Variants in PSPH observed in about 807,000 individuals in gnomAD.
The protein encoded by PSPH is phosphoserine phosphatase.
A neutral mutation model predicts 23.4 loss-of-function variants in PSPH; 16 were observed. The observed-to-expected ratio is 0.68, with a 90% CI of 0.46 to 1.04. PSPH has a LOEUF of 1.04. PSPH is among the 50% of genes least tolerant of loss of function. PSPH has a pLI of 0.00. For synonymous variants in PSPH, 68 were observed against 99.7 expected (o/e 0.68, Z 1.89); for missense variants, 223 against 273.7 (o/e 0.81, Z 1.31).
At position 56,023,427 on chromosome 7, in the gene PSPH, T is replaced by A. The variant is rs542163534; in HGVS notation, c.-19-2196A>T. ...GTGCGCACCACTATGCTTGGCTAAT[T>A]TATAAATTTTTTTTTGAAGAGATGG... On this transcript the variant is annotated intron_variant, in intron 3 of 7. Transcript: ENST00000275605. Among the ~76,000 whole-genome samples the A allele has an allele frequency of 5.3e-5, 8 of 151,948 alleles. 1 individual carries two copies. Among genetic ancestry groups the A allele is most frequent in the African/African-American group, 1.9e-4 (8 of 41,490 alleles).
At chr7:56,020,991 C>T in intron 4 of PSPH, 82 bp downstream of exon 4, 1 of 1,501,552 alleles carries the variant, frequency 6.7e-7, no homozygotes. Context: ...TGTTCCATAG[C>T]CAGGGTCTAG....
At chr7:56,026,045 A>C (rs1332851821) in intron 3 of PSPH, among the ~76,000 whole-genome samples, 1 of 152,088 alleles carries the variant, frequency 6.6e-6, no homozygotes, top group Non-Finnish European at 1.5e-5. Flanking sequence ...CCTCCCCATC[A>C]ACCCAGAAAA....
chr7:56,020,483 A>G (rs1333946817), intron 4 of PSPH, among the ~76,000 whole-genome samples: 3 of 149,256 alleles, frequency 2.0e-5, no homozygotes, highest in Non-Finnish European at 3.0e-5. Context: ...AAATTAGCCG[A>G]GCGTGGTGGC....
At chr7:56,013,686 G>A (rs929648251) in intron 7 of PSPH, among the ~76,000 whole-genome samples, 21 of 151,524 alleles carry the variant, frequency 1.4e-4, no homozygotes, top group African/African-American at 3.4e-4. Context: ...AGCTATGATC[G>A]CAACACTGCA....
intron 1 of PSPH, among the ~76,000 whole-genome samples, chr7:56,039,668 T>C (rs1792222885): frequency 6.7e-6 from 1 of 149,306 alleles, no homozygotes; most frequent in Admixed American, 6.8e-5. Context: ...CCCACCTACT[T>C]GTGAGGCTGA....
intron 3 of PSPH, among the ~76,000 whole-genome samples, chr7:56,023,772 G>T (rs1373437506): frequency 1.3e-5 from 2 of 152,056 alleles, no homozygotes; most frequent in Admixed American, 1.3e-4. Flanking sequence ...AATGCAGTTG[G>T]CAGAATAAGG....
chr7:56,033,087 T>C (rs1791249288), intron 2 of PSPH: 1 of 152,186 alleles, frequency 6.6e-6, no homozygotes, highest in Non-Finnish European at 1.5e-5. Flanking sequence ...ATTGAAAACC[T>C]ACCCGGCACG....
At chr7:56,033,147 C>T (rs1302567989) in intron 2 of PSPH, 1 of 151,932 alleles carries the variant, frequency 6.6e-6, no homozygotes, top group African/African-American at 2.4e-5. Flanking sequence ...ATCCTCATTC[C>T]AATATCAGTC....
intron 3 of PSPH, among the ~76,000 whole-genome samples, chr7:56,027,887 TAA>T (rs11445778): frequency 1.7e-4 from 13 of 74,748 alleles, no homozygotes; most frequent in East Asian, 8.3e-4. Flanking sequence ...ATTCTTTCTC[TAA>T]AAAAAAAAAA....
chr7:56,048,290 GA>G (rs34876866), intron 1 of PSPH, among the ~76,000 whole-genome samples: 75,127 of 130,040 alleles, frequency 0.58, 20,381 homozygotes, highest in Non-Finnish European at 0.65. Context: ...TAAAAAATTT[GA>G]AAAAAAAAAA....
intron 3 of PSPH, among the ~76,000 whole-genome samples, chr7:56,024,367 A>G (rs1445825461): frequency 6.6e-6 from 1 of 151,828 alleles, no homozygotes; most frequent in Non-Finnish European, 1.5e-5. Context: ...GTGAGCCACC[A>G]CGACTGGCTG....
intron 1 of PSPH, among the ~76,000 whole-genome samples, chr7:56,047,568 C>T (rs1195835812): frequency 1.3e-5 from 2 of 151,952 alleles, no homozygotes; most frequent in Non-Finnish European, 2.9e-5. Flanking sequence ...AAGTTAACAT[C>T]ACCAGGAATG....
rs1269985996 is a variant in PSPH, at chr7:56,032,662, A to C, written c.-145-608T>G. On this transcript the variant is annotated intron_variant, in intron 2 of 7. Coordinates refer to ENST00000275605, the MANE Select transcript of PSPH (RefSeq NM_004577.4). ...GTGACAGAGCGAGTCTCAAAAAAAAAAAAAAAGGCCGGGCATGGGGACTCA... is the reference window on the plus strand; with the variant it reads ...GTGACAGAGCGAGTCTCAAAAAAAACAAAAAAGGCCGGGCATGGGGACTCA... Among the ~76,000 whole-genome samples, 4 of 147,954 alleles carry C rather than the reference A, an allele frequency of 2.7e-5. No individual in the cohort carries two copies. The East Asian group carries it at 8.2e-4, about 30-fold the overall frequency.
intron 1 of PSPH, among the ~76,000 whole-genome samples, chr7:56,047,019 A>G (rs532108347): frequency 6.6e-6 from 1 of 152,280 alleles, no homozygotes; most frequent in African/African-American, 2.4e-5. Context: ...ACACAGCAAG[A>G]CATGTAAGCA....
At position 56,011,703 on chromosome 7, in the gene PSPH, A is replaced by G. The variant is rs1787927502; in HGVS notation, c.*59T>C. 7.3e-7 allele frequency: 1 copy of G among 1,362,670 alleles called. No homozygotes were observed. Among genetic ancestry groups the G allele is most frequent in the African/African-American group, 1.4e-5 (1 of 69,810 alleles). The allele number at this position is 1,362,670 out of a possible 1,614,324, so 84.4% of individuals were successfully genotyped here. On this transcript the variant is annotated 3_prime_UTR_variant, in exon 8 of 8. Transcript: ENST00000275605. ...TAGGCAACTGTAAGCAAACAGTATCAATCTGTATAACTTGTAAAAATTCAT... is the reference window on the plus strand; with the variant it reads ...TAGGCAACTGTAAGCAAACAGTATCGATCTGTATAACTTGTAAAAATTCAT...
chr7:56,045,210 A>G (rs1192349330), intron 1 of PSPH, among the ~76,000 whole-genome samples: 2 of 152,212 alleles, frequency 1.3e-5, no homozygotes, highest in Non-Finnish European at 2.9e-5. Flanking sequence ...ATGAATGATG[A>G]AAGCAGAAAA....
At chr7:56,011,900 TTTTA>T in intron 7 of PSPH, 31 bp from the exon 8 acceptor site, 1 of 1,514,474 alleles carries the variant, frequency 6.6e-7, no homozygotes, top group African/African-American at 1.4e-5. Context: ...GAGAAATGAT[TTTTA>T]TTTTTATTTA....
intron 7 of PSPH, 44 bp from the exon 8 acceptor site, chr7:56,011,913 T>A: frequency 2.0e-6 from 3 of 1,478,988 alleles, no homozygotes; most frequent in Non-Finnish European, 2.8e-6. Context: ...TATTTTTATT[T>A]ATTTATTTAT....
intron 6 of PSPH, among the ~76,000 whole-genome samples, chr7:56,016,054 C>G (rs1788509748): frequency 6.6e-6 from 1 of 151,974 alleles, no homozygotes; most frequent in Non-Finnish European, 1.5e-5. Flanking sequence ...ACAGTAATTA[C>G]CACACTCATT....
Sources: allele counts gnomAD v4.1 joint callset (sites outside exome capture counted in the v4.1 genomes callset), GRCh38; gene constraint gnomAD v4.1.1; transcripts MANE v1.5; gene names NCBI Gene and HGNC (gene_info 2026-07-23, HGNC 2026-07-21).